ZNF124: variants seen among roughly 807,000 people sequenced by gnomAD.
ZNF124 encodes the protein zinc finger protein HZF-16.
Under a neutral mutation model 26.6 loss-of-function variants are expected in ZNF124, and 25 were observed. The ratio of observed to expected loss-of-function variants is 0.94; its 90% CI spans 0.68 to 1.31. The LOEUF (loss-of-function observed/expected upper bound fraction) is 1.31. Ranked by LOEUF, ZNF124 falls within the 40% of genes most tolerant of loss-of-function variation. The probability of loss-of-function intolerance (pLI) is 0.00; values close to 1 mark genes in which losing one functional copy is unlikely to be tolerated. For synonymous variants in ZNF124, 129 were observed against 133.3 expected, an observed-to-expected ratio of 0.97 and a Z score of 0.22; for missense variants, 444 against 422.2, an observed-to-expected ratio of 1.05 and a Z score of -0.45.
At chr1:247,164,547 G>A (rs938077929) in intron 1 of ZNF124, among the ~76,000 whole-genome samples, 7 of 151,806 alleles carry the variant, frequency 4.6e-5, no homozygotes, top group Non-Finnish European at 1.0e-4. Flanking sequence ...TAGCTAACCA[G>A]GAGATGAAAG....
exon 4 of ZNF124, chr1:247,123,264 T>A (rs1672122652): frequency 6.6e-6 from 1 of 152,310 alleles, no homozygotes; most frequent in South Asian, 2.1e-4. Flanking sequence ...TGGCGCGATC[T>A]CGGCTCACTG....
At chr1:247,164,174 C>G (rs1195111823) in intron 1 of ZNF124, among the ~76,000 whole-genome samples, 1 of 152,136 alleles carries the variant, frequency 6.6e-6, no homozygotes. Flanking sequence ...TATGAAAAAC[C>G]CACAGCCAAC....
intron 3 of ZNF124, among the ~76,000 whole-genome samples, chr1:247,135,571 T>C (rs1672462367): frequency 6.6e-6 from 1 of 152,090 alleles, no homozygotes; most frequent in Non-Finnish European, 1.5e-5. Context: ...CAGGACCAGA[T>C]GGATTCACAG....
intron 2 of ZNF124, 152 bp from the exon 3 acceptor site, chr1:247,159,218 G>A (rs1180042519): frequency 4.6e-6 from 3 of 649,944 alleles, no homozygotes; most frequent in African/African-American, 1.9e-5. Flanking sequence ...TGTGTTATGG[G>A]TACAGATTCC....
chr1:247,169,545 T>TC, intron 1 of ZNF124, among the ~76,000 whole-genome samples: 1 of 152,138 alleles, frequency 6.6e-6, no homozygotes, highest in Middle Eastern at 3.4e-3. Context: ...CACTGTGTCC[T>TC]CCCACCCCAT....
chr1:247,133,030 AG>A (rs1558372330), intron 3 of ZNF124, among the ~76,000 whole-genome samples: 7 of 152,198 alleles, frequency 4.6e-5, no homozygotes. Flanking sequence ...ATTGCTAACT[AG>A]AATAACCAGT....
Position 247,156,714 on chromosome 1 carries a change from C to A in ZNF124, c.908G>T (p.Ser303Ile). 1.2e-6 allele frequency: 2 copies of A among 1,613,182 alleles called. No individual in the cohort carries two copies. The highest frequency in any genetic ancestry group is 1.7e-6 in the Non-Finnish European group (2 of 1,179,766). The stretch of plus-strand genomic sequence containing the variant: ...AGTCCTTTCATGGTCACGAAGGGAA[C>A]TGGAACATCTGAAGCCTTTACCACA... ...NNCGKGFRCS[S>I]SLRDHERTHT... Residue 303 changes from serine (S) to isoleucine (I), a missense_variant, in exon 4 of 4, where the codon AGT becomes ATT. Transcript: ENST00000543802.
intron 1 of ZNF124, among the ~76,000 whole-genome samples, chr1:247,169,685 A>G (rs1673985543): frequency 1.3e-5 from 2 of 149,434 alleles, no homozygotes; most frequent in African/African-American, 5.0e-5. Context: ...GTACTTTGGA[A>G]TAGCTGTTCT....
chr1:247,138,363 A>T, intron 3 of ZNF124: 1 of 165,454 alleles, frequency 6.0e-6, no homozygotes, highest in Non-Finnish European at 1.3e-5. Context: ...CAGCAAACAC[A>T]GGAACAGAAA....
chr1:247,157,469 A>G (rs1394957699), intron 3 of ZNF124, 66 bp from the exon 4 acceptor site: 2 of 1,479,378 alleles, frequency 1.4e-6, no homozygotes, highest in Admixed American at 2.0e-5. Context: ...GTTTTACTCT[A>G]GCAGGAATTT....
intron 3 of ZNF124, among the ~76,000 whole-genome samples, chr1:247,136,837 C>T (rs1294605904): frequency 6.6e-6 from 1 of 151,748 alleles, no homozygotes; most frequent in Non-Finnish European, 1.5e-5. Flanking sequence ...ATCCTTGCTG[C>T]TGGGGAGGCT....
At chr1:247,153,830 A>G (rs1673014542), downstream of ZNF124, among the ~76,000 whole-genome samples, 1 of 152,218 alleles carries the variant, frequency 6.6e-6, no homozygotes, top group African/African-American at 2.4e-5. Context: ...GTGAGCAGCC[A>G]TGCTAACGAA....
At chr1:247,147,228 CTTTT>C (rs549013458) in intron 3 of ZNF124, among the ~76,000 whole-genome samples, 2 of 127,352 alleles carry the variant, frequency 1.6e-5, no homozygotes, top group South Asian at 2.5e-4. Context: ...ATTGGCTTAA[CTTTT>C]TTTTTTTTTT....
At chr1:247,130,976 T>C (rs1172958978) in intron 3 of ZNF124, among the ~76,000 whole-genome samples, 4 of 152,188 alleles carry the variant, frequency 2.6e-5, no homozygotes, top group Non-Finnish European at 4.4e-5. Flanking sequence ...CTCGGGAGGC[T>C]GAGGCAGGAG....
At chr1:247,126,544 ACTGGGGGATTCGCAGG>A (rs1185718195) in intron 3 of ZNF124, among the ~76,000 whole-genome samples, 5 of 2,004 alleles carry the variant, frequency 2.5e-3, no homozygotes, top group African/African-American at 8.5e-3. Context: ...ACCTGCATGT[ACTGGGGGATTCGCAGG>A]GAGGATGTCG....
At chr1:247,145,369 G>A (rs1188685051) in intron 3 of ZNF124, among the ~76,000 whole-genome samples, 1 of 152,180 alleles carries the variant, frequency 6.6e-6, no homozygotes, top group Non-Finnish European at 1.5e-5. Flanking sequence ...CACATGGTGT[G>A]TCTGGAGTCA....
At chr1:247,134,327 A>G (rs1239160054) in intron 3 of ZNF124, among the ~76,000 whole-genome samples, 3 of 152,234 alleles carry the variant, frequency 2.0e-5, no homozygotes, top group African/African-American at 7.2e-5. Flanking sequence ...ATAACGAGTC[A>G]AGACTCATCA....
chr1:247,166,713 G>A (rs529710384), intron 1 of ZNF124, among the ~76,000 whole-genome samples: 11 of 152,306 alleles, frequency 7.2e-5, no homozygotes, highest in African/African-American at 9.6e-5. Flanking sequence ...AATGAATCAT[G>A]AAGAATTAGA....
chr1:247,146,551 A>C (rs138575617), intron 3 of ZNF124, among the ~76,000 whole-genome samples: 1 of 152,202 alleles, frequency 6.6e-6, no homozygotes, highest in African/African-American at 2.4e-5. Flanking sequence ...AGACACCCCA[A>C]AGAATATCTT....
Sources: allele counts gnomAD v4.1 joint callset (sites outside exome capture counted in the v4.1 genomes callset), GRCh38; gene constraint gnomAD v4.1.1; transcripts MANE v1.5; gene names NCBI Gene and HGNC (gene_info 2026-07-23, HGNC 2026-07-21).